The following SH2D4A variants were observed in gnomAD, a reference collection of about 807,000 sequenced individuals.
SH2D4A encodes SH2 domain containing 4A.
A neutral mutation model predicts 64.7 loss-of-function variants in SH2D4A; 70 were observed. The ratio of observed to expected loss-of-function variants is 1.08; its 90% CI spans 0.89 to 1.32. The LOEUF is 1.32. Among genes scored for constraint, SH2D4A ranks in the 40% most tolerant of loss-of-function variants. SH2D4A has a pLI of 0.00. For synonymous variants in SH2D4A, 268 were observed against 200.7 expected (o/e 1.34, Z -2.83); for missense variants, 706 against 540.1 (o/e 1.31, Z -3.04).
At chr8:19,375,497 T>A (rs764000500) in intron 8 of SH2D4A, 1 of 152,314 alleles carries the variant, frequency 6.6e-6, no homozygotes, top group African/African-American at 2.4e-5. Flanking sequence ...TTCATCTTTT[T>A]CTCTCAATTA....
chr8:19,363,515 C>G (rs967415606), intron 6 of SH2D4A, among the ~76,000 whole-genome samples: 1 of 152,094 alleles, frequency 6.6e-6, no homozygotes, highest in Non-Finnish European at 1.5e-5. Flanking sequence ...TTTTTGTGTA[C>G]TAATGTGTCC....
At chr8:19,326,963 G>A (rs1585148059) in intron 2 of SH2D4A, among the ~76,000 whole-genome samples, 1 of 152,202 alleles carries the variant, frequency 6.6e-6, no homozygotes, top group Non-Finnish European at 1.5e-5. Flanking sequence ...GCATCATGCT[G>A]CAATCTAGGA....
At chr8:19,350,353 T>C (rs1448683150) in intron 4 of SH2D4A, among the ~76,000 whole-genome samples, 2 of 152,212 alleles carry the variant, frequency 1.3e-5, no homozygotes, top group Non-Finnish European at 2.9e-5. Context: ...CATTGCTTAG[T>C]GGTGTTTTAG....
In SH2D4A at chr8:19,364,251, A is replaced by C; in HGVS notation, c.886A>C (p.Asn296His). The C allele has an allele frequency of 1.9e-6, 3 of 1,614,148 alleles. No homozygotes were observed. The South Asian group carries it at 3.3e-5, about 18-fold the overall frequency. The change falls in exon 7 of 10, where the codon AAC becomes CAC. Residue 296 changes from asparagine (N) to histidine (H), a missense_variant. Transcript: ENST00000265807. ...CCTTCCACCCAAGCCTCAGTTCCTAAACTCAGGGGCATATCCTCAAAAACC... is the reference window on the plus strand; with the variant it reads ...CCTTCCACCCAAGCCTCAGTTCCTACACTCAGGGGCATATCCTCAAAAACC... ...PPLPPKPQFL[N>H]SGAYPQKPLR...
At position 19,313,806 on chromosome 8, in the gene SH2D4A, C is replaced by T. The variant is rs1382707091; in HGVS notation, c.-222C>T. On this transcript the variant is annotated 5_prime_UTR_variant, in exon 1 of 10. Transcript: ENST00000265807. The stretch of plus-strand genomic sequence containing the variant: ...TGGCGGGTGATCGAGCCACCCTGCC[C>T]AGGGGCGCCCAGCACTGGTAGGTGC... The T allele has an allele frequency of 1.3e-5, 20 of 1,507,630 alleles. No homozygotes were observed. Among genetic ancestry groups the T allele is most frequent in the Non-Finnish European group, 1.8e-5 (20 of 1,133,766 alleles). 93.4% of individuals were successfully genotyped at this position (1,507,630 alleles called of 1,614,324 possible).
At chr8:19,383,154 C>CTT (rs2053326688) in intron 8 of SH2D4A, among the ~76,000 whole-genome samples, 1 of 151,800 alleles carries the variant, frequency 6.6e-6, no homozygotes, top group Non-Finnish European at 1.5e-5. Flanking sequence ...CTCTCTGCCC[C>CTT]CTTCTCCTTC....
Position 19,393,444 on chromosome 8 carries a change from A to G in SH2D4A, c.1175A>G (p.Lys392Arg), listed in dbSNP as rs767920263. Residue 392 changes from lysine to arginine, a missense_variant, in exon 9 of 10, where the codon AAA becomes AGA. By Grantham distance (26) the Lys-to-Arg change is conservative (BLOSUM62 2). Coordinates refer to ENST00000265807, the MANE Select transcript of SH2D4A (RefSeq NM_022071.4). ...ALSYLSEDGC[K>R]HFLIDASADA... ...TCCTATCTGTCGGAGGACGGCTGTA[A>G]ACATTTCCTCATCGATGCCTCTGCA... 9.9e-6 allele frequency: 16 copies of G among 1,614,134 alleles called. No individual in the cohort carries two copies. Among genetic ancestry groups the G allele is most frequent in the African/African-American group, 1.3e-5 (1 of 74,944 alleles).
chr8:19,384,261 G>GGTAA (rs150941431), intron 8 of SH2D4A, among the ~76,000 whole-genome samples: 1,739 of 152,252 alleles, frequency 0.011, 41 homozygotes, highest in African/African-American at 0.04. Flanking sequence ...AAGTTTTTTG[G>GGTAA]GTAAGTTTGC....
In SH2D4A at chr8:19,313,966, C is replaced by T. The variant is rs1446502041; in HGVS notation, c.-205+143C>T. 6.4e-6 allele frequency: 8 copies of T among 1,259,708 alleles called. No individual in the cohort carries two copies. In the African/African-American group the frequency reaches 9.3e-5, roughly 15 times the overall value. 78.0% of individuals were successfully genotyped at this position (1,259,708 alleles called of 1,614,324 possible). The stretch of plus-strand genomic sequence containing the variant: ...CGGGCGGAAGCCTCACCCCCGCCTC[C>T]ACCCCTTCGCGGCGCCCGGGGCGGG... On this transcript the variant is annotated intron_variant, in intron 1 of 9. Transcript: ENST00000265807.
chr8:19,367,998 C>T lies in SH2D4A; in HGVS notation c.917+3716C>T, dbSNP rs140346335. On this transcript the variant is annotated intron_variant, in intron 7 of 9. Coordinates refer to ENST00000265807, the MANE Select transcript of SH2D4A (RefSeq NM_022071.4). ...TTTTCTTTTGGTAGCTTCATGGCCT[C>T]ATATATTCAAGTCTTTAATCCATTT... Among the ~76,000 whole-genome samples the T allele has an allele frequency of 8.0e-3, 1,215 of 152,238 alleles. 9 individuals are homozygous for T. The highest frequency in any genetic ancestry group is 0.028 in the African/African-American group (1,155 of 41,530).
chr8:19,332,904 A>C, intron 2 of SH2D4A, 51 bp from the exon 3 acceptor site: 1 of 1,576,030 alleles, frequency 6.3e-7, no homozygotes, highest in Non-Finnish European at 8.6e-7. Flanking sequence ...GTAATCTGTG[A>C]CTAAAGATAT....
At chr8:19,338,473 T>C (rs1377964899) in intron 4 of SH2D4A, among the ~76,000 whole-genome samples, 1 of 152,198 alleles carries the variant, frequency 6.6e-6, no homozygotes, top group East Asian at 1.9e-4. Context: ...TCCTTGAATA[T>C]CCAGGCAGGC....
rs143745663 is a variant in SH2D4A at position 19,390,112 on chromosome 8, A to G, written c.1049-3206A>G. Among the ~76,000 whole-genome samples, 615 of 152,174 alleles carry G rather than the reference A, an allele frequency of 4.0e-3. 8 individuals are homozygous for G. The highest frequency in any genetic ancestry group is 0.024 in the Middle Eastern group (7 of 294). On this transcript the variant is annotated intron_variant, in intron 8 of 9. Coordinates refer to ENST00000265807, the MANE Select transcript of SH2D4A (RefSeq NM_022071.4). ...AGGCCGGGTGCAGTGGCTCACGCCT[A>G]TCATCCCACTATCATCCCAGCACTT...
At chr8:19,393,679 T>TAA in intron 9 of SH2D4A, 138 bp downstream of exon 9, 1 of 768,154 alleles carries the variant, frequency 1.3e-6, no homozygotes, top group Non-Finnish European at 2.1e-6. Flanking sequence ...CTTTGATAAT[T>TAA]CTTCCTGATA....
intron 7 of SH2D4A, among the ~76,000 whole-genome samples, chr8:19,366,606 C>G (rs1047974169): frequency 2.0e-5 from 3 of 152,078 alleles, no homozygotes; most frequent in African/African-American, 4.8e-5. Flanking sequence ...ACCAGCCCGA[C>G]CAACATGGTG....
rs1298114588 is a variant in SH2D4A at position 19,331,198 on chromosome 8, A to G, written c.182-1757A>G. 7.2e-5 allele frequency among the ~76,000 whole-genome samples: 11 copies of G among 152,238 alleles called. No individual in the cohort carries two copies. In the East Asian group the frequency reaches 1.5e-3, roughly 21 times the overall value. On this transcript the variant is annotated intron_variant, in intron 2 of 9. Coordinates refer to ENST00000265807, the MANE Select transcript of SH2D4A (RefSeq NM_022071.4). ...TTTGAGCAGCCTGCTTTGGTAATGT[A>G]TCCCAAGGCCACAGTACAAAAGTCA... is the stretch of plus-strand genomic sequence containing the variant.
intron 4 of SH2D4A, among the ~76,000 whole-genome samples, chr8:19,349,590 C>G (rs1208139307): frequency 1.3e-5 from 2 of 152,152 alleles, no homozygotes; most frequent in Non-Finnish European, 2.9e-5. Flanking sequence ...TTGACCACTT[C>G]AAGGTCAGTT....
rs143850394 is a variant in SH2D4A at position 19,388,045 on chromosome 8, A to G, written c.1049-5273A>G. 8.5e-5 allele frequency among the ~76,000 whole-genome samples: 13 copies of G among 152,330 alleles called. No individual in the cohort carries two copies. The East Asian group carries it at 1.7e-3, about 20-fold the overall frequency. On this transcript the variant is annotated intron_variant, in intron 8 of 9. Transcript: ENST00000265807. ...GTCCCCACATCAAGGCATACTACAC[A>G]TACGTAACCAATCAAAAATGCATCT...
chr8:19,314,646 C>T (rs867965282), intron 1 of SH2D4A, among the ~76,000 whole-genome samples: 23 of 152,178 alleles, frequency 1.5e-4, no homozygotes, highest in African/African-American at 5.3e-4. Flanking sequence ...ACAGATGCTC[C>T]TCATCGCTCC....
Sources: allele counts gnomAD v4.1 joint callset (sites outside exome capture counted in the v4.1 genomes callset), GRCh38; gene constraint gnomAD v4.1.1; transcripts MANE v1.5; gene names NCBI Gene and HGNC (gene_info 2026-07-23, HGNC 2026-07-21).